The following WNT7B variants were observed in gnomAD, a reference collection of about 807,000 sequenced individuals.
The protein encoded by WNT7B is Wnt family member 7B.
WNT7B carries 19 observed loss-of-function variants against 38.2 expected under a neutral mutation model. The ratio of observed to expected loss-of-function variants is 0.50; its 90% CI spans 0.35 to 0.73. The LOEUF is 0.73. Among genes scored for constraint, WNT7B ranks in the 30% least tolerant of loss-of-function variants. WNT7B has a pLI of 0.01. For missense variants in WNT7B, 423 were observed against 507.9 expected, an observed-to-expected ratio of 0.83 and a Z score of 1.61; for synonymous variants, 243 against 209.3, an observed-to-expected ratio of 1.16 and a Z score of -1.39.
At chr22:45,926,918 T>TGGACCCTCAGTCAGGGA in intron 3 of WNT7B, 1 of 985,444 alleles carries the variant, frequency 1.0e-6, no homozygotes, top group Non-Finnish European at 1.2e-6. Context: ...CAGGACGCTG[T>TGGACCCTCAGTCAGGGA]GGACCCTCAG....
rs895433381 is a variant in WNT7B, at chr22:45,976,016, G to C, written c.71+668C>G. The C allele has an allele frequency of 1.4e-5, 2 of 145,734 alleles. No homozygotes were observed. The highest frequency in any genetic ancestry group is 6.8e-5 in the Admixed American group (1 of 14,780). The allele number at this position is 145,734 out of a possible 1,614,324, so 9.0% of individuals were successfully genotyped here. A position where few individuals can be genotyped will look rare whatever the true frequency, so the allele number is the denominator to read the frequency against. ...TCGCCGGGCGCCCGCCCGCCGGGCC[G>C]CGCCAGGGGGAGCGCGGCGAGAGGG... On this transcript the variant is annotated intron_variant, in intron 1 of 3. Transcript: ENST00000339464. This position sits in a 1 kb window ranked among gnomAD's most constrained non-coding sequence, Gnocchi z 8.5.
At chr22:45,954,961 G>A (rs1463427990) in intron 1 of WNT7B, among the ~76,000 whole-genome samples, 10 of 152,252 alleles carry the variant, frequency 6.6e-5, no homozygotes, top group African/African-American at 2.4e-4. Context: ...TTGGAGCCCA[G>A]TCTCTGAATC....
At chr22:45,971,676 C>T (rs539582714) in intron 1 of WNT7B, among the ~76,000 whole-genome samples, 25 of 152,294 alleles carry the variant, frequency 1.6e-4, no homozygotes, top group Admixed American at 9.1e-4. Context: ...GGGCGCTGTC[C>T]GGTGAAGCGC....
In WNT7B at chr22:45,931,160, G is replaced by C; in HGVS notation, c.508C>G (p.Arg170Gly). The change falls in exon 3 of 4, where the codon CGG becomes GGG. Residue 170 changes from arginine to glycine, a missense_variant. Physicochemically the swap from Arg to Gly is moderately radical, Grantham distance 125. Coordinates refer to ENST00000339464, the MANE Select transcript of WNT7B (RefSeq NM_058238.3). ...IDFSRRFVDA[R>G]EIKKNARRLM... ...CGCCGCGCGTTCTTCTTGATCTCCC[G>C]AGCGTCCACGAAGCGCCGGGAGAAG... The C allele has an allele frequency of 3.1e-6, 5 of 1,599,340 alleles. No homozygotes were observed. The highest frequency in any genetic ancestry group is 3.4e-6 in the Non-Finnish European group (4 of 1,179,298).
intron 1 of WNT7B, among the ~76,000 whole-genome samples, chr22:45,961,127 C>T (rs985695964): frequency 3.3e-5 from 5 of 152,348 alleles, no homozygotes; most frequent in African/African-American, 1.2e-4. Flanking sequence ...CTGGAAGGGA[C>T]GCATTGCAGC....
intron 1 of WNT7B, among the ~76,000 whole-genome samples, chr22:45,955,229 G>C (rs78627660): frequency 0.011 from 1,639 of 152,354 alleles, 26 homozygotes; most frequent in African/African-American, 0.038. Flanking sequence ...GCCTGGCCCT[G>C]CCACACCCCA....
chr22:45,926,205 C>T (rs1050426832), intron 3 of WNT7B: 2 of 985,428 alleles, frequency 2.0e-6, no homozygotes, highest in South Asian at 4.7e-5. Flanking sequence ...TGTGCCGTTT[C>T]CTTCTCCAGT....
At chr22:45,967,341 G>T (rs1038250737) in intron 1 of WNT7B, among the ~76,000 whole-genome samples, 1 of 152,228 alleles carries the variant, frequency 6.6e-6, no homozygotes, top group African/African-American at 2.4e-5. Flanking sequence ...CCAAGGCTGT[G>T]TAGGGCGGCA....
intron 1 of WNT7B, among the ~76,000 whole-genome samples, chr22:45,967,127 G>A (rs992457091): frequency 6.6e-6 from 1 of 152,290 alleles, no homozygotes; most frequent in East Asian, 1.9e-4. Context: ...CCACCCTGCC[G>A]GCCAGCCTGA....
chr22:45,925,298 A>T, intron 3 of WNT7B: 1 of 985,256 alleles, frequency 1.0e-6, no homozygotes, highest in Non-Finnish European at 1.2e-6. Flanking sequence ...GGCAGCCTGG[A>T]GCTGGGGTGT....
chr22:45,941,456 A>G (rs1931644812), intron 2 of WNT7B, among the ~76,000 whole-genome samples: 1 of 149,456 alleles, frequency 6.7e-6, no homozygotes, highest in Non-Finnish European at 1.5e-5. Context: ...GGTTGCAGTG[A>G]GCTGAGATCG....
chr22:45,953,689 A>G (rs1230607668), intron 1 of WNT7B, among the ~76,000 whole-genome samples: 1 of 150,806 alleles, frequency 6.6e-6, no homozygotes, highest in African/African-American at 2.4e-5. Flanking sequence ...CCAAAATGAG[A>G]TGCCACCTCA....
At chr22:45,935,584 C>T (rs962069014) in intron 2 of WNT7B, among the ~76,000 whole-genome samples, 19 of 152,220 alleles carry the variant, frequency 1.2e-4, no homozygotes, top group African/African-American at 4.3e-4. Context: ...GTAGTGGGCA[C>T]ACCCTCCCCT....
intron 2 of WNT7B, among the ~76,000 whole-genome samples, chr22:45,949,029 C>A (rs1931864841): frequency 6.6e-6 from 1 of 151,880 alleles, no homozygotes; most frequent in Non-Finnish European, 1.5e-5. Context: ...TGGGGTTTCA[C>A]CATGTTGGCC....
intron 3 of WNT7B, among the ~76,000 whole-genome samples, chr22:45,930,664 G>C (rs922509423): frequency 9.2e-5 from 14 of 152,186 alleles, no homozygotes; most frequent in African/African-American, 3.4e-4. Context: ...CCTGCCTCCT[G>C]GGGGCATCCC....
intron 2 of WNT7B, chr22:45,935,841 G>A (rs1931501711): frequency 1.0e-6 from 1 of 985,444 alleles, no homozygotes; most frequent in Non-Finnish European, 1.2e-6. Context: ...AGCCATCTGA[G>A]CTCAGCAGCT....
intron 2 of WNT7B, among the ~76,000 whole-genome samples, chr22:45,940,964 G>A (rs1039011210): frequency 6.6e-6 from 1 of 152,238 alleles, no homozygotes; most frequent in African/African-American, 2.4e-5. Flanking sequence ...GCCCTTGGGG[G>A]CTGTACCATG....
In WNT7B at chr22:45,977,135, C is replaced by T; in HGVS notation, c.-381G>A. ...CGAGCGCCGCGGCGGCCAATGTGTC[C>T]GCACTTGTCGGCCGCCCCAGGTGAC... On this transcript the variant is annotated 5_prime_UTR_variant, in exon 1 of 4. Coordinates refer to ENST00000339464, the MANE Select transcript of WNT7B (RefSeq NM_058238.3). 1.8e-6 allele frequency: 1 copy of T among 558,698 alleles called. No homozygotes were observed. The highest frequency in any genetic ancestry group is 2.3e-6 in the Non-Finnish European group (1 of 440,316). The allele number at this position is 558,698 out of a possible 1,614,324, so 34.6% of individuals were successfully genotyped here. A position where few individuals can be genotyped will look rare whatever the true frequency, so the allele number is the denominator to read the frequency against.
At chr22:45,935,245 T>C (rs1225626603) in intron 2 of WNT7B, among the ~76,000 whole-genome samples, 8 of 152,198 alleles carry the variant, frequency 5.3e-5, no homozygotes, top group Admixed American at 2.6e-4. Context: ...TGGACCCATG[T>C]GCCTTGCTCA....
Sources: allele counts gnomAD v4.1 joint callset (sites outside exome capture counted in the v4.1 genomes callset), GRCh38; gene constraint gnomAD v4.1.1; non-coding constraint Gnocchi (gnomAD v3.1); transcripts MANE v1.5; gene names NCBI Gene and HGNC (gene_info 2026-07-23, HGNC 2026-07-21).